F2RL2: variants seen among roughly 807,000 people sequenced by gnomAD.
The protein encoded by F2RL2 is coagulation factor II thrombin receptor like 2.
In F2RL2, 4 loss-of-function variants were observed where a neutral mutation model predicts 4.3. That is an observed-to-expected ratio of 0.93 (90% confidence interval 0.46 to 2.12). F2RL2 has a LOEUF of 2.12. F2RL2 is among the 30% of genes most tolerant of loss of function. F2RL2 has a pLI of 0.02. For missense variants in F2RL2, 408 were observed against 449.3 expected, an observed-to-expected ratio of 0.91 and a Z score of 0.83; for synonymous variants, 166 against 170.9, an observed-to-expected ratio of 0.97 and a Z score of 0.22.
rs1416621979 is a variant in F2RL2 at position 76,616,164 on chromosome 5, C to G, written c.*1418G>C. The stretch of plus-strand genomic sequence containing the variant: ...AATATAAATGAACTATATATAAATG[C>G]CATAATAAAAATATACGAAAGTGCT... On this transcript the variant is annotated 3_prime_UTR_variant, in exon 2 of 2. Transcript: ENST00000296641. 1 of 152,168 alleles carries G rather than the reference C, an allele frequency of 6.6e-6. No individual in the cohort carries two copies. Among genetic ancestry groups the G allele is most frequent in the Non-Finnish European group, 1.5e-5 (1 of 68,020 alleles). 9.4% of individuals were successfully genotyped at this position (152,168 alleles called of 1,614,324 possible).
At chr5:76,621,263 C>T (rs541198924) in intron 1 of F2RL2, among the ~76,000 whole-genome samples, 5 of 152,126 alleles carry the variant, frequency 3.3e-5, no homozygotes, top group East Asian at 1.9e-4. Context: ...GCTGAATTCA[C>T]GGTGTAAAAT....
At chr5:76,620,126 G>T (rs925588517) in intron 1 of F2RL2, among the ~76,000 whole-genome samples, 1 of 152,176 alleles carries the variant, frequency 6.6e-6, no homozygotes, top group Admixed American at 6.5e-5. Context: ...CACTCAGTTT[G>T]TAATGATTTG....
At position 76,617,945 on chromosome 5, in the gene F2RL2, G is replaced by A; in HGVS notation, c.762C>T (p.Ser254=). The change falls in exon 2 of 2, where the codon TCC becomes TCT. Residue 254 remains serine, a synonymous_variant. Transcript: ENST00000296641. The part of the protein sequence containing the change: ...TCHDVHNTCE[S]SSPFQLYYFI... The stretch of plus-strand genomic sequence containing the variant: ...AGTAATAGAGTTGGAAGGGAGATGA[G>A]GACTCGCAAGTGTTGTGAACATCAT... 5 of 1,614,090 alleles carry A rather than the reference G, an allele frequency of 3.1e-6. No homozygotes were observed. Among genetic ancestry groups the A allele is most frequent in the Admixed American group, 1.7e-5 (1 of 60,018 alleles).
chr5:76,621,926 C>T (rs898155240), intron 1 of F2RL2, among the ~76,000 whole-genome samples: 5 of 152,186 alleles, frequency 3.3e-5, no homozygotes, highest in African/African-American at 1.2e-4. Context: ...GGAGAGAATA[C>T]AGTCATGGAT....
chr5:76,618,983 G>GA (rs1373685212), intron 1 of F2RL2, among the ~76,000 whole-genome samples: 1 of 152,182 alleles, frequency 6.6e-6, no homozygotes, highest in Admixed American at 6.5e-5. Context: ...TCAGATGTTT[G>GA]AGCAAAATGT....
chr5:76,622,780 A>G (rs1039806260), intron 1 of F2RL2, among the ~76,000 whole-genome samples: 1 of 152,188 alleles, frequency 6.6e-6, no homozygotes, highest in East Asian at 1.9e-4. Context: ...TGTTTCTCCC[A>G]TTTATGTCTC....
In F2RL2 at chr5:76,615,755, A is replaced by G. The variant is rs1748896109; in HGVS notation, c.*1827T>C. 1.2e-5 allele frequency: 1 copy of G among 83,600 alleles called. No homozygotes were observed. Among genetic ancestry groups the G allele is most frequent in the Non-Finnish European group, 3.1e-5 (1 of 32,590 alleles). 5.2% of individuals were successfully genotyped at this position (83,600 alleles called of 1,614,324 possible). A position where few individuals can be genotyped will look rare whatever the true frequency, so the allele number is the denominator to read the frequency against. On this transcript the variant is annotated 3_prime_UTR_variant, in exon 2 of 2. Coordinates refer to ENST00000296641, the MANE Select transcript of F2RL2 (RefSeq NM_004101.4). ...AATAGTCATTTACTTACAGGAATAT[A>G]ATGGGTATTAATAACAAAATTCCAT...
Position 76,617,959 on chromosome 5 carries a change from T to C in F2RL2, c.748A>G (p.Asn250Asp), listed in dbSNP as rs2069683. 24,343 of 1,614,082 alleles carry C rather than the reference T, an allele frequency of 0.015. 709 individuals are homozygous for C. Among genetic ancestry groups the C allele is most frequent in the East Asian group, 0.11 (4,862 of 44,852 alleles). ...AAGGGAGATGAGGACTCGCAAGTGTTGTGAACATCATGGCAGGTGGTGATG... is the reference window on the plus strand; with the variant it reads ...AAGGGAGATGAGGACTCGCAAGTGTCGTGAACATCATGGCAGGTGGTGATG... Reference protein sequence around the residue: ...PDITTCHDVHNTCESSSPFQL... With the variant: ...PDITTCHDVHDTCESSSPFQL... Residue 250 changes from asparagine to aspartate, a missense_variant, in exon 2 of 2, where the codon AAC becomes GAC. By Grantham distance (23) the Asn-to-Asp change is conservative. Transcript: ENST00000296641.
chr5:76,619,729 A>C (rs866348587), intron 1 of F2RL2, among the ~76,000 whole-genome samples: 1 of 152,176 alleles, frequency 6.6e-6, no homozygotes, highest in East Asian at 1.9e-4. Flanking sequence ...CATGTTAGCC[A>C]GGATGGTCTC....
At chr5:76,620,135 T>A (rs1477488034) in intron 1 of F2RL2, among the ~76,000 whole-genome samples, 2 of 152,180 alleles carry the variant, frequency 1.3e-5, no homozygotes, top group Non-Finnish European at 2.9e-5. Flanking sequence ...TGTAATGATT[T>A]GATATAGCAG....
chr5:76,621,511 C>T (rs1749667825), intron 1 of F2RL2, among the ~76,000 whole-genome samples: 1 of 152,176 alleles, frequency 6.6e-6, no homozygotes. Flanking sequence ...AAGATAGGCA[C>T]AAAGTTAGAG....
At chr5:76,622,066 A>G (rs982298396) in intron 1 of F2RL2, among the ~76,000 whole-genome samples, 2 of 152,128 alleles carry the variant, frequency 1.3e-5, no homozygotes, top group African/African-American at 4.8e-5. Flanking sequence ...CAAAACCACA[A>G]CGAAATAAGG....
At chr5:76,619,549 C>T (rs1334531743) in intron 1 of F2RL2, among the ~76,000 whole-genome samples, 1 of 134,276 alleles carries the variant, frequency 7.4e-6, no homozygotes, top group Non-Finnish European at 1.5e-5. Flanking sequence ...GACAGTCTCA[C>T]TCTGTCGCCC....
rs1305630395 is a variant in F2RL2 at position 76,617,918 on chromosome 5, G to C, written c.789C>G (p.Phe263Leu). The change falls in exon 2 of 2, where the codon TTC becomes TTG. Residue 263 changes from phenylalanine (F) to leucine (L), a missense_variant. Coordinates refer to ENST00000296641, the MANE Select transcript of F2RL2 (RefSeq NM_004101.4). The part of the protein sequence containing the change: ...ESSSPFQLYY[F>L]ISLAFFGFLI... Reference sequence around the variant, plus strand: ...AGAATCCAAAGAATGCCAAGGAGATGAAGTAATAGAGTTGGAAGGGAGATG... The same window carrying C: ...AGAATCCAAAGAATGCCAAGGAGATCAAGTAATAGAGTTGGAAGGGAGATG... The C allele has an allele frequency of 1.9e-6, 3 of 1,613,980 alleles. No individual in the cohort carries two copies. The highest frequency in any genetic ancestry group is 2.5e-6 in the Non-Finnish European group (3 of 1,180,014).
rs1289336222 is a variant in F2RL2 at position 76,617,673 on chromosome 5, C to T, written c.1034G>A (p.Cys345Tyr). 6.2e-7 allele frequency: 1 copy of T among 1,613,842 alleles called. No individual in the cohort carries two copies. The highest frequency in any genetic ancestry group is 8.5e-7 in the Non-Finnish European group (1 of 1,179,992). ...TAAGCAACTATTAAGACTACCCAGG[C>T]ACAAAGCTATGAGATATATAAAATA... ...GLYFIYLIALCLGSLNSCLDP... is the reference protein window; with the variant it reads ...GLYFIYLIALYLGSLNSCLDP... Residue 345 changes from cysteine (C) to tyrosine (Y), a missense_variant, in exon 2 of 2, where the codon TGC becomes TAC. Cys to Tyr is a radical substitution (Grantham distance 194). Coordinates refer to ENST00000296641, the MANE Select transcript of F2RL2 (RefSeq NM_004101.4).
chr5:76,623,267 A>G lies in F2RL2; in HGVS notation c.-37T>C, dbSNP rs550954885. 7 of 1,608,960 alleles carry G rather than the reference A, an allele frequency of 4.4e-6. No homozygotes were observed. The South Asian group carries it at 7.7e-5, about 18-fold the overall frequency. On this transcript the variant is annotated 5_prime_UTR_variant, in exon 1 of 2. Coordinates refer to ENST00000296641, the MANE Select transcript of F2RL2 (RefSeq NM_004101.4). ...GAGTCCCGTCTCTTAAACGTTATGAAATCTGTAAAATCATGGAGCACAATT... is the reference window on the plus strand; with the variant it reads ...GAGTCCCGTCTCTTAAACGTTATGAGATCTGTAAAATCATGGAGCACAATT...
intron 1 of F2RL2, 25 bp downstream of exon 1, chr5:76,623,142 C>T: frequency 6.2e-7 from 1 of 1,612,502 alleles, no homozygotes; most frequent in Admixed American, 1.7e-5. Flanking sequence ...ACATCCCCAT[C>T]CTACCCCCTG....
chr5:76,623,240 C>A lies in F2RL2; in HGVS notation c.-10G>T. On this transcript the variant is annotated 5_prime_UTR_variant, in exon 1 of 2. In the 5' UTR this introduces an upstream ATG that the reference lacks. Coordinates refer to ENST00000296641, the MANE Select transcript of F2RL2 (RefSeq NM_004101.4). ...AGATGAGGGCTTTCATTTTGATGAC[C>A]TGAGTCCCGTCTCTTAAACGTTATG... 1 of 1,614,110 alleles carries A rather than the reference C, an allele frequency of 6.2e-7. No homozygotes were observed. Among genetic ancestry groups the A allele is most frequent in the Non-Finnish European group, 8.5e-7 (1 of 1,179,956 alleles).
In F2RL2 at chr5:76,618,250, G is replaced by A. The variant is rs762944161; in HGVS notation, c.457C>T (p.His153Tyr). Residue 153 changes from histidine to tyrosine, a missense_variant, in exon 2 of 2, where the codon CAT becomes TAT. His to Tyr is a moderately conservative substitution (Grantham distance 83, BLOSUM62 2). Coordinates refer to ENST00000296641, the MANE Select transcript of F2RL2 (RefSeq NM_004101.4). ...AATACCCAGTTGTTCCCATTGAGAT[G>A]ATAAGCTATCTTAAAGGGCAATGTA... ...CVTLPFKIAY[H>Y]LNGNNWVFGE... 1 of 1,614,192 alleles carries A rather than the reference G, an allele frequency of 6.2e-7. No homozygotes were observed. The highest frequency in any genetic ancestry group is 1.7e-5 in the Admixed American group (1 of 60,028).
Sources: gnomAD v4.1 joint callset for allele counts (sites outside exome capture counted in the v4.1 genomes callset) on GRCh38, gnomAD v4.1.1 for gene constraint, MANE v1.5 for transcripts, NCBI Gene and HGNC (gene_info 2026-07-23, HGNC 2026-07-21) for gene names.